GAN: variants seen among roughly 807,000 people sequenced by gnomAD.
GAN encodes the protein epididymis secretory sperm binding protein.
In GAN, 48 loss-of-function variants were observed where a neutral mutation model predicts 71.3. The observed-to-expected ratio is 0.67, with a 90% CI of 0.53 to 0.86. The LOEUF is 0.86. Among genes scored for constraint, GAN ranks in the 40% least tolerant of loss-of-function variants. GAN has a pLI of 0.00. For synonymous variants in GAN, 386 were observed against 276.8 expected, an observed-to-expected ratio of 1.39 and a Z score of -3.92; for missense variants, 928 against 770.1, an observed-to-expected ratio of 1.21 and a Z score of -2.43.
Position 81,332,479 on chromosome 16 carries a change from G to A in GAN, c.167+17199G>A, listed in dbSNP as rs547942101. 4.6e-5 allele frequency among the ~76,000 whole-genome samples: 7 copies of A among 152,344 alleles called. No homozygotes were observed. The South Asian group carries it at 1.2e-3, about 27-fold the overall frequency. Reference sequence around the variant, plus strand: ...CACACCTGGGATGTAGTCTTTTACTGTAATGCTTTTGCTGTCCCCCTTCCT... The same window carrying A: ...CACACCTGGGATGTAGTCTTTTACTATAATGCTTTTGCTGTCCCCCTTCCT... On this transcript the variant is annotated intron_variant, in intron 1 of 10. Transcript: ENST00000648994.
At position 81,357,903 on chromosome 16, in the gene GAN, G is replaced by A. The variant is rs139230642; in HGVS notation, c.945G>A (p.Pro315=). 175 of 1,613,730 alleles carry A rather than the reference G, an allele frequency of 1.1e-4. No individual in the cohort carries two copies. The highest frequency in any genetic ancestry group is 4.9e-4 in the Middle Eastern group (3 of 6,084). ...TCGAACTGGCCCCTTTAAGCATGCC[G>A]AGAATTAACCATGGAGTTCTCTCAG... ...LWIELAPLSM[P]RINHGVLSAE... is the part of the protein sequence containing the mutation. The change falls in exon 5 of 11, where the codon CCG becomes CCA. Residue 315 remains proline (P), a synonymous_variant. Transcript: ENST00000648994.
At chr16:81,349,144 A>C (rs968100192) in intron 1 of GAN, among the ~76,000 whole-genome samples, 40 of 152,270 alleles carry the variant, frequency 2.6e-4, no homozygotes, top group African/African-American at 7.9e-4. Flanking sequence ...ACTATTTCCT[A>C]AGACTTTGTT....
Position 81,357,805 on chromosome 16 carries a change from C to T in GAN, c.852-5C>T, listed in dbSNP as rs745697938. 9.3e-6 allele frequency: 15 copies of T among 1,612,444 alleles called. No homozygotes were observed. The African/African-American group carries it at 9.3e-5, about 10-fold the overall frequency. On this transcript the variant is annotated splice_polypyrimidine_tract_variant and splice_region_variant and intron_variant, in intron 4 of 10. Transcript: ENST00000648994. Reference sequence around the variant, plus strand: ...TAACTACTGATCACTTATTTACTTCCTTAGTTCACGGAAACCCACAGCAGC... The same window carrying T: ...TAACTACTGATCACTTATTTACTTCTTTAGTTCACGGAAACCCACAGCAGC...
intron 1 of GAN, among the ~76,000 whole-genome samples, chr16:81,329,434 C>A (rs1909499980): frequency 1.3e-5 from 2 of 152,216 alleles, no homozygotes; most frequent in African/African-American, 4.8e-5. Flanking sequence ...CCTCTTCTTA[C>A]AAGTGCATAA....
intron 1 of GAN, among the ~76,000 whole-genome samples, chr16:81,346,653 G>A (rs562713379): frequency 6.6e-6 from 1 of 152,198 alleles, no homozygotes; most frequent in African/African-American, 2.4e-5. Context: ...TGTCTTCCAC[G>A]AAACCAGTCC....
chr16:81,337,476 C>G (rs1277421046), intron 1 of GAN, among the ~76,000 whole-genome samples: 1 of 152,180 alleles, frequency 6.6e-6, no homozygotes, highest in Non-Finnish European at 1.5e-5. Flanking sequence ...ATGTCAAGCC[C>G]CATTCAGTCA....
At position 81,388,383 on chromosome 16, in the gene GAN, C is replaced by T. The variant is rs1438325019; in HGVS notation, c.*10787C>T. 6.6e-6 allele frequency: 1 copy of T among 152,472 alleles called. No individual in the cohort carries two copies. The highest frequency in any genetic ancestry group is 1.5e-5 in the Non-Finnish European group (1 of 68,242). 9.4% of individuals were successfully genotyped at this position (152,472 alleles called of 1,614,324 possible). On this transcript the variant is annotated 3_prime_UTR_variant, in exon 11 of 11. Coordinates refer to ENST00000648994, the MANE Select transcript of GAN (RefSeq NM_022041.4). Reference sequence around the variant, plus strand: ...CCCTGAGCAGACCTGCATACTAGCACTTTCCACAACCAGCTGGCCCTGGCT... The same window carrying T: ...CCCTGAGCAGACCTGCATACTAGCATTTTCCACAACCAGCTGGCCCTGGCT...
chr16:81,378,788 C>T lies in GAN; in HGVS notation c.*1192C>T, dbSNP rs1904290938. ...TAGTAGAGCAAATTAATCTTTTCCT[C>T]CTTCCCTCCTTTCCTATCTCTCATT... On this transcript the variant is annotated 3_prime_UTR_variant, in exon 11 of 11. Coordinates refer to ENST00000648994, the MANE Select transcript of GAN (RefSeq NM_022041.4). 1 of 152,582 alleles carries T rather than the reference C, an allele frequency of 6.6e-6. No individual in the cohort carries two copies. Among genetic ancestry groups the T allele is most frequent in the African/African-American group, 2.4e-5 (1 of 41,442 alleles). 9.5% of individuals were successfully genotyped at this position (152,582 alleles called of 1,614,324 possible).
intron 8 of GAN, 24 bp from the exon 9 acceptor site, chr16:81,365,326 A>G: frequency 6.2e-7 from 1 of 1,613,898 alleles, no homozygotes; most frequent in South Asian, 1.1e-5. Flanking sequence ...CTTGTGCCTG[A>G]TAACGCTGTG....
chr16:81,346,217 G>A (rs952520386), intron 1 of GAN, among the ~76,000 whole-genome samples: 1 of 152,210 alleles, frequency 6.6e-6, no homozygotes, highest in Non-Finnish European at 1.5e-5. Context: ...GGAGATTGGA[G>A]TAATGAGGGA....
intron 1 of GAN, among the ~76,000 whole-genome samples, chr16:81,333,129 C>G (rs1248294330): frequency 1.3e-5 from 2 of 151,586 alleles, no homozygotes; most frequent in Non-Finnish European, 2.9e-5. Context: ...GTAGTCTCAG[C>G]TACTTGGGAG....
At chr16:81,351,523 A>G (rs1910299531) in intron 1 of GAN, 60 bp from the exon 2 acceptor site, 2 of 785,546 alleles carry the variant, frequency 2.5e-6, no homozygotes, top group Non-Finnish European at 4.6e-6. Flanking sequence ...TTGAGTACAT[A>G]AATATTTATA....
At chr16:81,327,311 G>A (rs988805890) in intron 1 of GAN, among the ~76,000 whole-genome samples, 5 of 152,156 alleles carry the variant, frequency 3.3e-5, no homozygotes, top group Non-Finnish European at 7.3e-5. Context: ...AATTAAGGAG[G>A]CGCCAGAAGC....
At chr16:81,319,961 T>A (rs933715932) in intron 1 of GAN, among the ~76,000 whole-genome samples, 1 of 152,254 alleles carries the variant, frequency 6.6e-6, no homozygotes, top group East Asian at 1.9e-4. Flanking sequence ...ATAGCTTTAT[T>A]GTGTCATTTA....
chr16:81,377,449 A>C lies in GAN; in HGVS notation c.1647A>C (p.Arg549Ser). The part of the protein sequence containing the change: ...TNYDYVREFK[R>S]STGTWHHTKP... Reference sequence around the variant, plus strand: ...ACGACTACGTGCGTGAGTTTAAAAGAAGCACAGGAACCTGGCACCACACTA... The same window carrying C: ...ACGACTACGTGCGTGAGTTTAAAAGCAGCACAGGAACCTGGCACCACACTA... The change falls in exon 11 of 11, where the codon AGA becomes AGC. Residue 549 changes from arginine to serine, a missense_variant. Coordinates refer to ENST00000648994, the MANE Select transcript of GAN (RefSeq NM_022041.4). 6.2e-7 allele frequency: 1 copy of C among 1,614,162 alleles called. No homozygotes were observed.
intron 4 of GAN, among the ~76,000 whole-genome samples, 195 bp from the exon 5 acceptor site, chr16:81,357,615 T>C (rs1910534097): frequency 6.6e-6 from 1 of 152,236 alleles, no homozygotes; most frequent in South Asian, 2.1e-4. Context: ...CCTTTGGGTA[T>C]ATACCCAGTA....
chr16:81,375,973 CAA>C (rs55948304), intron 9 of GAN, among the ~76,000 whole-genome samples: 9,983 of 106,428 alleles, frequency 0.094, 465 homozygotes, highest in African/African-American at 0.2. Flanking sequence ...GACCCTGTCT[CAA>C]AAAAAAAAAA....
intron 1 of GAN, among the ~76,000 whole-genome samples, chr16:81,349,518 C>T (rs1311920660): frequency 1.3e-5 from 2 of 152,056 alleles, no homozygotes; most frequent in Non-Finnish European, 2.9e-5. Context: ...GTGGTGTGAG[C>T]CTGTAGTTCC....
rs567773487 is a variant in GAN, at chr16:81,369,733, A to G, written c.1502+4255A>G. The stretch of plus-strand genomic sequence containing the variant: ...CAGCCTCCTGAGTAGCTGGGACTAC[A>G]GGCGCCCGCCACCGCGCCCAGCTAA... On this transcript the variant is annotated intron_variant, in intron 9 of 10. Coordinates refer to ENST00000648994, the MANE Select transcript of GAN (RefSeq NM_022041.4). Among the ~76,000 whole-genome samples the G allele has an allele frequency of 1.5e-3, 225 of 152,260 alleles. 3 individuals are homozygous for G. The South Asian group carries it at 0.025, about 17-fold the overall frequency.
Sources: allele counts gnomAD v4.1 joint callset (sites outside exome capture counted in the v4.1 genomes callset), GRCh38; gene constraint gnomAD v4.1.1; transcripts MANE v1.5; gene names NCBI Gene and HGNC (gene_info 2026-07-23, HGNC 2026-07-21).